CLDN16: variants seen among roughly 807,000 people sequenced by gnomAD.
The protein encoded by CLDN16 is claudin 16, also known as claudin-16.
Under a neutral mutation model 24.6 loss-of-function variants are expected in CLDN16, and 13 were observed. The ratio of observed to expected loss-of-function variants is 0.53; its 90% CI spans 0.34 to 0.84. CLDN16 has a LOEUF of 0.84. Ranked by LOEUF, CLDN16 falls within the 40% of genes least tolerant of loss-of-function variation. The pLI, the probability that CLDN16 is intolerant of heterozygous loss-of-function variation, is 0.01. For synonymous variants in CLDN16, 116 were observed against 106.7 expected, an observed-to-expected ratio of 1.09 and a Z score of -0.54; for missense variants, 298 against 292.7, an observed-to-expected ratio of 1.02 and a Z score of -0.13.
rs547537371 is a variant in CLDN16, at chr3:190,404,850, C to A, written c.306C>A (p.Cys102Ter). The A allele has an allele frequency of 6.2e-7, 1 of 1,614,050 alleles. No homozygotes were observed. Among genetic ancestry groups the A allele is most frequent in the Non-Finnish European group, 8.5e-7 (1 of 1,179,976 alleles). The change falls in exon 3 of 5, where the codon TGC becomes TGA. Residue 102 changes from cysteine (C) to a stop codon, truncating the protein, a stop_gained. Coordinates refer to ENST00000264734, the MANE Select transcript of CLDN16 (RefSeq NM_006580.4). LOFTEE classifies it high-confidence loss of function. The part of the protein sequence containing the change: ...GFLTLLLGLD[C>*]VKFLPDEPYI... ...TCACCCTGCTCCTTGGTCTTGACTG[C>A]GTGAAATTCCTCCCTGATGAGCCGT...
intron 1 of CLDN16, among the ~76,000 whole-genome samples, chr3:190,355,202 A>C (rs1307062984): frequency 6.6e-6 from 1 of 151,980 alleles, no homozygotes; most frequent in African/African-American, 2.4e-5. Context: ...AGAGATAATT[A>C]AATGTCTGTG....
chr3:190,326,092 T>C (rs1032469348), intron 1 of CLDN16, among the ~76,000 whole-genome samples: 1 of 152,196 alleles, frequency 6.6e-6, no homozygotes, highest in Non-Finnish European at 1.5e-5. Flanking sequence ...TTGAGAAATT[T>C]GCATAACATC....
At chr3:190,335,124 A>G (rs1257491280) in intron 1 of CLDN16, among the ~76,000 whole-genome samples, 1 of 149,956 alleles carries the variant, frequency 6.7e-6, no homozygotes, top group Admixed American at 6.6e-5. Context: ...ACTCACTGCA[A>G]CCTATGGCTC....
At chr3:190,306,082 G>A in the CLDN16 span, 1 of 152,224 alleles carries the variant, frequency 6.6e-6, no homozygotes, top group African/African-American at 2.4e-5. Context: ...TTATTATGAA[G>A]TACCATTTCC....
At chr3:190,397,487 C>T (rs1335584994) in intron 1 of CLDN16, among the ~76,000 whole-genome samples, 1 of 152,080 alleles carries the variant, frequency 6.6e-6, no homozygotes, top group African/African-American at 2.4e-5. Context: ...TTAAAATTTT[C>T]AAGAATTTAG....
intron 1 of CLDN16, among the ~76,000 whole-genome samples, chr3:190,337,466 AG>A (rs1717336820): frequency 6.6e-6 from 1 of 152,234 alleles, no homozygotes; most frequent in Non-Finnish European, 1.5e-5. Flanking sequence ...GCTAGCTGAA[AG>A]GTCTCACGAA....
chr3:190,402,008 T>G (rs1479446952), intron 1 of CLDN16, among the ~76,000 whole-genome samples: 1 of 152,112 alleles, frequency 6.6e-6, no homozygotes, highest in Non-Finnish European at 1.5e-5. Flanking sequence ...TGAAATGATG[T>G]TTTTCCATAA....
chr3:190,316,964 A>G, the CLDN16 span, among the ~76,000 whole-genome samples: 6 of 152,134 alleles, frequency 3.9e-5, no homozygotes, highest in Non-Finnish European at 7.4e-5. Flanking sequence ...CTTTTTGCTT[A>G]TTTTGATCTA....
At chr3:190,349,652 A>C (rs559050873) in intron 1 of CLDN16, among the ~76,000 whole-genome samples, 51 of 152,210 alleles carry the variant, frequency 3.4e-4, no homozygotes, top group Non-Finnish European at 6.5e-4. Context: ...TGACCCTGTG[A>C]CTTGTGTTAT....
intron 3 of CLDN16, among the ~76,000 whole-genome samples, chr3:190,380,152 C>CCTTCCTTCCTT (rs1321025410): frequency 1.0e-4 from 1 of 9,962 alleles, no homozygotes; most frequent in African/African-American, 7.0e-4. Flanking sequence ...TTTCTTCCTT[C>CCTTCCTTCCTT]CCTCCCTTCC....
chr3:190,300,162 C>T, the CLDN16 span, among the ~76,000 whole-genome samples: 1 of 151,838 alleles, frequency 6.6e-6, no homozygotes, highest in Non-Finnish European at 1.5e-5. Flanking sequence ...GTTGAGGGGT[C>T]GTGGGGGCGG....
intron 1 of CLDN16, among the ~76,000 whole-genome samples, chr3:190,337,732 T>C (rs1317910431): frequency 6.6e-6 from 1 of 152,202 alleles, no homozygotes; most frequent in African/African-American, 2.4e-5. Context: ...ATTCCTAGGA[T>C]GTGTTTGCCT....
the CLDN16 span, among the ~76,000 whole-genome samples, chr3:190,295,799 A>G: frequency 6.6e-6 from 1 of 152,366 alleles, no homozygotes; most frequent in East Asian, 1.9e-4. Context: ...ATCAAAATAC[A>G]TTAAGAAAAT....
exon 1 of CLDN16, chr3:190,322,551 C>A: frequency 3.2e-6 from 1 of 311,722 alleles, no homozygotes; most frequent in Non-Finnish European, 6.0e-6. Flanking sequence ...GAGAGGGCGC[C>A]GGGAGCGCCC....
At chr3:190,313,686 A>T in the CLDN16 span, among the ~76,000 whole-genome samples, 26 of 151,904 alleles carry the variant, frequency 1.7e-4, no homozygotes, top group East Asian at 4.8e-3. Context: ...ATAGTAGTAG[A>T]TTCATATTCA....
At chr3:190,353,261 C>T (rs758035019) in intron 1 of CLDN16, among the ~76,000 whole-genome samples, 43 of 152,178 alleles carry the variant, frequency 2.8e-4, no homozygotes, top group Non-Finnish European at 5.1e-4. Flanking sequence ...ACTTTCACAA[C>T]CCCTTAACTG....
chr3:190,358,022 A>G (rs1577408216), intron 1 of CLDN16, among the ~76,000 whole-genome samples: 1 of 151,882 alleles, frequency 6.6e-6, no homozygotes, highest in African/African-American at 2.4e-5. Context: ...GTAGGACTTC[A>G]GTATGTATAT....
chr3:190,401,369 T>A (rs573470724), intron 1 of CLDN16, among the ~76,000 whole-genome samples: 8 of 152,270 alleles, frequency 5.3e-5, no homozygotes, highest in African/African-American at 1.7e-4. Flanking sequence ...GGGGAAAAAA[T>A]TAAGTTTTTA....
At chr3:190,328,099 T>C (rs1368248089) in intron 1 of CLDN16, among the ~76,000 whole-genome samples, 1 of 139,208 alleles carries the variant, frequency 7.2e-6, no homozygotes, top group African/African-American at 2.8e-5. Flanking sequence ...CTGAACAAAA[T>C]AGTAAGATTC....
Sources: gnomAD v4.1 joint callset for allele counts (sites outside exome capture counted in the v4.1 genomes callset) on GRCh38, gnomAD v4.1.1 for gene constraint, MANE v1.5 for transcripts, NCBI Gene and HGNC (gene_info 2026-07-23, HGNC 2026-07-21) for gene names.